FGF10: variants seen among roughly 807,000 people sequenced by gnomAD.
The protein encoded by FGF10 is FGF-10.
A neutral mutation model predicts 19.8 loss-of-function variants in FGF10; 2 were observed. The ratio of observed to expected loss-of-function variants is 0.10; its 90% CI spans 0.04 to 0.32. FGF10 has a LOEUF of 0.32. FGF10 is among the 10% of genes least tolerant of loss of function. The pLI, the probability that FGF10 is intolerant of heterozygous loss-of-function variation, is 1.00. For missense variants in FGF10, 191 were observed against 246.3 expected, an observed-to-expected ratio of 0.78 and a Z score of 1.50; for synonymous variants, 112 against 94.0, an observed-to-expected ratio of 1.19 and a Z score of -1.10.
chr5:44,349,449 TATATATATATATATATATATCAGA>T (rs1291054782), intron 1 of FGF10, among the ~76,000 whole-genome samples: 409 of 15,684 alleles, frequency 0.026, 2 homozygotes, highest in South Asian at 0.088. Flanking sequence ...TATATATATA[TATATATATATATATATATATCAGA>T]ATATATATAT....
chr5:44,386,328 C>G (rs903812239), intron 1 of FGF10, among the ~76,000 whole-genome samples: 3 of 152,216 alleles, frequency 2.0e-5, no homozygotes, highest in African/African-American at 7.2e-5. Flanking sequence ...ATAGCACAAA[C>G]ATTTTTTAAA....
At chr5:44,330,520 A>G (rs1030893555) in intron 1 of FGF10, among the ~76,000 whole-genome samples, 7 of 152,220 alleles carry the variant, frequency 4.6e-5, no homozygotes, top group African/African-American at 1.7e-4. Flanking sequence ...TTAAAAGCAT[A>G]TTTGAGATAT....
Position 44,300,853 on chromosome 5 carries a change from T to C in FGF10, c.*4142A>G, listed in dbSNP as rs985900371. Among the ~76,000 whole-genome samples, 1 of 152,082 alleles carries C rather than the reference T, an allele frequency of 6.6e-6. No homozygotes were observed. The highest frequency in any genetic ancestry group is 1.5e-5 in the Non-Finnish European group (1 of 68,018). ...CTCTTATACTGATTGGTCTAGAGGT[T>C]GGTATGTTATCCAAACCTGGCCAAT... is the stretch of plus-strand genomic sequence containing the variant. On this transcript the variant is annotated 3_prime_UTR_variant, in exon 3 of 3. Transcript: ENST00000264664.
At chr5:44,337,398 A>G (rs1408860524) in intron 1 of FGF10, among the ~76,000 whole-genome samples, 1 of 152,150 alleles carries the variant, frequency 6.6e-6, no homozygotes, top group Non-Finnish European at 1.5e-5. Flanking sequence ...TTTAACATTA[A>G]CTCACTAGTC....
chr5:44,321,076 T>C (rs935431885), intron 1 of FGF10, among the ~76,000 whole-genome samples: 1 of 152,126 alleles, frequency 6.6e-6, no homozygotes, highest in Non-Finnish European at 1.5e-5. Flanking sequence ...GTGTCTAAAC[T>C]GAGAGCATCA....
intron 1 of FGF10, among the ~76,000 whole-genome samples, chr5:44,369,137 C>T (rs960490367): frequency 2.0e-5 from 3 of 152,018 alleles, no homozygotes; most frequent in Non-Finnish European, 4.4e-5. Context: ...TCATGAAACA[C>T]CCAAGGTGGA....
intron 1 of FGF10, among the ~76,000 whole-genome samples, chr5:44,375,309 T>C (rs983163153): frequency 2.6e-5 from 4 of 152,278 alleles, no homozygotes; most frequent in Non-Finnish European, 5.9e-5. Context: ...GCTAGGTATA[T>C]GGTTTTTGGA....
At chr5:44,309,864 C>T (rs1414682915) in intron 2 of FGF10, among the ~76,000 whole-genome samples, 1 of 151,952 alleles carries the variant, frequency 6.6e-6, no homozygotes, top group Non-Finnish European at 1.5e-5. Context: ...GACCCTATTG[C>T]AAAGAATATT....
At chr5:44,327,103 C>A (rs940346545) in intron 1 of FGF10, among the ~76,000 whole-genome samples, 3 of 152,138 alleles carry the variant, frequency 2.0e-5, no homozygotes, top group East Asian at 3.9e-4. Flanking sequence ...CAGTCTTCAG[C>A]GTGGTTTCCA....
chr5:44,310,393 G>T, intron 2 of FGF10, 34 bp downstream of exon 2: 1 of 1,408,924 alleles, frequency 7.1e-7, no homozygotes, highest in Non-Finnish European at 1.0e-6. Flanking sequence ...ATGGTTTACT[G>T]GAGTGGATTT....
intron 1 of FGF10, among the ~76,000 whole-genome samples, chr5:44,375,652 G>A (rs1001727589): frequency 2.6e-5 from 4 of 152,176 alleles, no homozygotes; most frequent in African/African-American, 9.7e-5. Flanking sequence ...GTATCTAAGA[G>A]GGAACTAGCT....
chr5:44,381,837 C>T (rs184302677), intron 1 of FGF10, among the ~76,000 whole-genome samples: 7 of 152,174 alleles, frequency 4.6e-5, no homozygotes, highest in African/African-American at 1.7e-4. Flanking sequence ...GGAATTTAAC[C>T]CACCCTATTC....
At chr5:44,350,815 T>C (rs1420891336) in intron 1 of FGF10, among the ~76,000 whole-genome samples, 1 of 151,388 alleles carries the variant, frequency 6.6e-6, no homozygotes, top group Non-Finnish European at 1.5e-5. Context: ...TTTTGTTCCA[T>C]GTATTAGATA....
intron 1 of FGF10, among the ~76,000 whole-genome samples, chr5:44,344,112 T>C (rs1039526103): frequency 3.3e-5 from 5 of 151,586 alleles, no homozygotes; most frequent in Non-Finnish European, 5.9e-5. Flanking sequence ...ACAAGCCAGG[T>C]TGGATGGCCA....
chr5:44,300,700 C>T lies in FGF10; in HGVS notation c.*4295G>A, dbSNP rs910529076. Reference sequence around the variant, plus strand: ...GTAGCAAACAACCATTTGGTTTTTGCACCTGCAGCACTGCTGTCTCCTTGG... The same window carrying T: ...GTAGCAAACAACCATTTGGTTTTTGTACCTGCAGCACTGCTGTCTCCTTGG... On this transcript the variant is annotated 3_prime_UTR_variant, in exon 3 of 3. Transcript: ENST00000264664. 3.3e-5 allele frequency among the ~76,000 whole-genome samples: 5 copies of T among 152,038 alleles called. No individual in the cohort carries two copies. The highest frequency in any genetic ancestry group is 5.9e-5 in the Non-Finnish European group (4 of 68,010).
At chr5:44,356,666 G>C (rs1741354214) in intron 1 of FGF10, among the ~76,000 whole-genome samples, 1 of 151,388 alleles carries the variant, frequency 6.6e-6, no homozygotes, top group Non-Finnish European at 1.5e-5. Context: ...TAAGAATATT[G>C]TACAGCATTA....
At chr5:44,307,132 AAATT>A (rs1468935633) in intron 2 of FGF10, among the ~76,000 whole-genome samples, 1 of 152,180 alleles carries the variant, frequency 6.6e-6, no homozygotes, top group Non-Finnish European at 1.5e-5. Context: ...TTCCTCCCCA[AAATT>A]AATTTATAGA....
In FGF10 at chr5:44,301,695, A is replaced by T. The variant is rs1245783763; in HGVS notation, c.*3300T>A. ...AAGATAGCTAACTCACACATGTGAAACATTAGAGAAAACTTACAAATGTTT... is the reference window on the plus strand; with the variant it reads ...AAGATAGCTAACTCACACATGTGAATCATTAGAGAAAACTTACAAATGTTT... On this transcript the variant is annotated 3_prime_UTR_variant, in exon 3 of 3. Coordinates refer to ENST00000264664, the MANE Select transcript of FGF10 (RefSeq NM_004465.2). 6.6e-6 allele frequency among the ~76,000 whole-genome samples: 1 copy of T among 152,188 alleles called. No individual in the cohort carries two copies. The highest frequency in any genetic ancestry group is 1.5e-5 in the Non-Finnish European group (1 of 68,018).
In FGF10 at chr5:44,373,145, A is replaced by G. The variant is rs1267862682; in HGVS notation, c.325+15213T>C. Among the ~76,000 whole-genome samples the G allele has an allele frequency of 2.0e-5, 3 of 152,110 alleles. No individual in the cohort carries two copies. In the East Asian group the frequency reaches 5.8e-4, roughly 29 times the overall value. ...CAAAAACTCTGTGGTCCTCCCATGTATGTCACAGGGATTCATGCCATGAGA... is the reference window on the plus strand; with the variant it reads ...CAAAAACTCTGTGGTCCTCCCATGTGTGTCACAGGGATTCATGCCATGAGA... On this transcript the variant is annotated intron_variant, in intron 1 of 2. Coordinates refer to ENST00000264664, the MANE Select transcript of FGF10 (RefSeq NM_004465.2).
Sources: allele counts gnomAD v4.1 joint callset (sites outside exome capture counted in the v4.1 genomes callset), GRCh38; gene constraint gnomAD v4.1.1; transcripts MANE v1.5; gene names NCBI Gene and HGNC (gene_info 2026-07-23, HGNC 2026-07-21).